CNTN5: variants seen among roughly 807,000 people sequenced by gnomAD.
CNTN5 encodes the protein contactin 5, also known as contactin-5.
Under a neutral mutation model 129.1 loss-of-function variants are expected in CNTN5, and 77 were observed. The observed-to-expected ratio is 0.60, with a 90% CI of 0.50 to 0.72. CNTN5 has a LOEUF of 0.72. Ranked by LOEUF, CNTN5 falls within the 30% of genes least tolerant of loss-of-function variation. CNTN5 has a pLI of 0.00. For synonymous variants in CNTN5, 509 were observed against 465.6 expected (o/e 1.09, Z -1.20); for missense variants, 1,478 against 1,328.8 (o/e 1.11, Z -1.75).
intron 16 of CNTN5, among the ~76,000 whole-genome samples, chr11:100,233,893 C>A (rs945216907): frequency 6.6e-6 from 1 of 151,978 alleles, no homozygotes; most frequent in African/African-American, 2.4e-5. Flanking sequence ...AAAATTTTTG[C>A]AATCTGTCCA....
chr11:99,545,282 A>G (rs1245871456), intron 2 of CNTN5, among the ~76,000 whole-genome samples: 1 of 152,218 alleles, frequency 6.6e-6, no homozygotes, highest in East Asian at 1.9e-4. Flanking sequence ...CTATGTGCCT[A>G]TAACAAGACA....
At chr11:100,008,717 G>A (rs574623812) in intron 9 of CNTN5, among the ~76,000 whole-genome samples, 4 of 152,060 alleles carry the variant, frequency 2.6e-5, no homozygotes, top group African/African-American at 7.2e-5. Context: ...TTCACTATTC[G>A]CCTTTTTGGT....
At chr11:99,034,253 G>T (rs192476470) in intron 1 of CNTN5, among the ~76,000 whole-genome samples, 1 of 152,240 alleles carries the variant, frequency 6.6e-6, no homozygotes, top group African/African-American at 2.4e-5. Flanking sequence ...GTTTCTGCCC[G>T]GCTTTGGTAT....
chr11:99,190,243 A>G (rs991752251), intron 1 of CNTN5, among the ~76,000 whole-genome samples: 14 of 151,472 alleles, frequency 9.2e-5, no homozygotes, highest in South Asian at 2.1e-4. Flanking sequence ...ATTCTGTTCT[A>G]TTGTTCTATG....
At chr11:100,176,581 G>A (rs1239124472) in intron 13 of CNTN5, among the ~76,000 whole-genome samples, 2 of 151,902 alleles carry the variant, frequency 1.3e-5, no homozygotes, top group Admixed American at 6.6e-5. Flanking sequence ...TATGTAAAGT[G>A]GATTAAGGAT....
chr11:99,564,844 C>T (rs945284585), intron 3 of CNTN5, among the ~76,000 whole-genome samples: 6 of 152,094 alleles, frequency 3.9e-5, no homozygotes, highest in East Asian at 1.9e-4. Context: ...TGATGGTTTT[C>T]GGCTCTTTGT....
chr11:99,844,764 T>A, intron 4 of CNTN5, 88 bp from the exon 5 acceptor site: 2 of 1,311,630 alleles, frequency 1.5e-6, no homozygotes, highest in Non-Finnish European at 1.1e-6. Flanking sequence ...AGCAAGAATT[T>A]TGAATATAAG....
At chr11:99,649,064 TAAAC>T (rs1157504960) in intron 3 of CNTN5, among the ~76,000 whole-genome samples, 4 of 151,590 alleles carry the variant, frequency 2.6e-5, no homozygotes, top group African/African-American at 9.7e-5. Flanking sequence ...AAGTTCCCAA[TAAAC>T]AAAAAATGAT....
chr11:100,307,001 T>C (rs931680158), intron 20 of CNTN5, among the ~76,000 whole-genome samples: 1 of 151,604 alleles, frequency 6.6e-6, no homozygotes, highest in African/African-American at 2.4e-5. Flanking sequence ...CAAAAGAAAA[T>C]CATTGCTTGG....
intron 2 of CNTN5, among the ~76,000 whole-genome samples, chr11:99,527,760 T>A (rs1415669217): frequency 1.3e-5 from 2 of 152,114 alleles, no homozygotes; most frequent in Non-Finnish European, 2.9e-5. Context: ...GCCAGGGCAA[T>A]GCCAGTAAAA....
chr11:100,037,947 G>T (rs1942126166), intron 9 of CNTN5, among the ~76,000 whole-genome samples: 1 of 151,898 alleles, frequency 6.6e-6, no homozygotes, highest in South Asian at 2.1e-4. Context: ...TTTTTGAAGG[G>T]TTTTTGTGTC....
intron 2 of CNTN5, among the ~76,000 whole-genome samples, chr11:99,410,227 C>G (rs1461166924): frequency 6.6e-6 from 1 of 152,108 alleles, no homozygotes; most frequent in African/African-American, 2.4e-5. Flanking sequence ...AATGAAAGAG[C>G]TAAAATTTAA....
Position 100,358,703 on chromosome 11 carries a change from G to C in CNTN5, c.*2483G>C, listed in dbSNP as rs574916301. ...GAAATTTCATGAAAGCAAAAGTTTTGCATACCCAAATGAAGGTACTGTGGA... is the reference window on the plus strand; with the variant it reads ...GAAATTTCATGAAAGCAAAAGTTTTCCATACCCAAATGAAGGTACTGTGGA... On this transcript the variant is annotated 3_prime_UTR_variant, in exon 25 of 25. Coordinates refer to ENST00000524871, the MANE Select transcript of CNTN5 (RefSeq NM_014361.4). 6.6e-6 allele frequency: 1 copy of C among 151,854 alleles called. No individual in the cohort carries two copies. The highest frequency in any genetic ancestry group is 2.1e-4 in the South Asian group (1 of 4,816). 9.4% of individuals were successfully genotyped at this position (151,854 alleles called of 1,614,324 possible).
chr11:99,407,332 G>A (rs1777075685), intron 2 of CNTN5, among the ~76,000 whole-genome samples: 1 of 152,134 alleles, frequency 6.6e-6, no homozygotes, highest in South Asian at 2.1e-4. Flanking sequence ...GGCTCAGGGT[G>A]TGTCTAGAAA....
At chr11:100,304,875 G>T (rs1028701134) in intron 20 of CNTN5, among the ~76,000 whole-genome samples, 1 of 151,048 alleles carries the variant, frequency 6.6e-6, no homozygotes, top group South Asian at 2.1e-4. Context: ...CTAAGACATG[G>T]AAAGAATTAA....
chr11:99,595,723 T>A (rs1163305461), intron 3 of CNTN5, among the ~76,000 whole-genome samples: 1 of 151,608 alleles, frequency 6.6e-6, no homozygotes, highest in Non-Finnish European at 1.5e-5. Context: ...TCTCAATTTT[T>A]ATAATGCTGA....
chr11:100,006,490 G>T (rs886243659), intron 9 of CNTN5, among the ~76,000 whole-genome samples: 7 of 152,220 alleles, frequency 4.6e-5, no homozygotes, highest in Admixed American at 2.6e-4. Context: ...AATGTCCACA[G>T]CATCTTTTCC....
chr11:99,905,053 G>C (rs910283912), intron 6 of CNTN5, among the ~76,000 whole-genome samples: 2 of 152,158 alleles, frequency 1.3e-5, no homozygotes, highest in East Asian at 3.9e-4. Context: ...CCCTTTATCA[G>C]ACAGATAGAT....
chr11:99,665,606 C>A (rs1200505888), intron 3 of CNTN5, among the ~76,000 whole-genome samples: 2 of 150,816 alleles, frequency 1.3e-5, no homozygotes, highest in Non-Finnish European at 3.0e-5. Context: ...CCTGTCTCAG[C>A]CTCCCAAGTG....
Sources: allele counts gnomAD v4.1 joint callset (sites outside exome capture counted in the v4.1 genomes callset), GRCh38; gene constraint gnomAD v4.1.1; transcripts MANE v1.5; gene names NCBI Gene and HGNC (gene_info 2026-07-23, HGNC 2026-07-21).